Variants in CSMD1 observed in about 807,000 individuals in gnomAD.
CSMD1 encodes the protein CUB and sushi domain-containing protein 1.
A neutral mutation model predicts 417.5 loss-of-function variants in CSMD1; 213 were observed. That is an observed-to-expected ratio of 0.51 (90% confidence interval 0.46 to 0.57). The LOEUF (loss-of-function observed/expected upper bound fraction) is 0.57, where lower values mean the gene tolerates loss of function less well. CSMD1 is among the 20% of genes least tolerant of loss of function. CSMD1 has a pLI of 0.00. For synonymous variants in CSMD1, 2,862 were observed against 1,736.8 expected (o/e 1.65, Z -16.11); for missense variants, 6,923 against 4,529.7 (o/e 1.53, Z -15.17).
At chr8:4,656,164 G>C (rs1027876981) in intron 1 of CSMD1, among the ~76,000 whole-genome samples, 6 of 151,966 alleles carry the variant, frequency 3.9e-5, no homozygotes, top group African/African-American at 1.5e-4. Flanking sequence ...AAGGGAATGA[G>C]GGAAAACCCC....
intron 5 of CSMD1, among the ~76,000 whole-genome samples, chr8:3,897,659 T>A (rs912372256): frequency 2.0e-5 from 3 of 152,154 alleles, no homozygotes; most frequent in Non-Finnish European, 4.4e-5. Flanking sequence ...CCATAATCGT[T>A]AATAATAGAA....
intron 5 of CSMD1, among the ~76,000 whole-genome samples, chr8:3,934,948 A>G (rs1020361047): frequency 6.6e-6 from 1 of 152,160 alleles, no homozygotes; most frequent in Non-Finnish European, 1.5e-5. Context: ...TATAAAAGTA[A>G]TATTTACAAA....
rs80303186 is a variant in CSMD1, at chr8:3,633,664, C to A, written c.1010-16867G>T. On this transcript the variant is annotated intron_variant, in intron 7 of 69. Transcript: ENST00000635120. ...AATGACATATTTTTCAATCTTAAGA[C>A]ATGAAAATAGTGTATATAAATCTGA... Among the ~76,000 whole-genome samples, 203 of 152,274 alleles carry A rather than the reference C, an allele frequency of 1.3e-3. 3 individuals carry two copies. The East Asian group carries it at 0.036, about 27-fold the overall frequency.
chr8:4,319,937 T>C (rs900797160), intron 3 of CSMD1, among the ~76,000 whole-genome samples: 1 of 152,118 alleles, frequency 6.6e-6, no homozygotes, highest in African/African-American at 2.4e-5. Context: ...TCTTCAGAGC[T>C]TGCACAAGGC....
chr8:3,308,222 C>A, intron 24 of CSMD1, 90 bp downstream of exon 24: 2 of 1,005,278 alleles, frequency 2.0e-6, no homozygotes, highest in South Asian at 1.8e-5. Flanking sequence ...AAAATTCCTC[C>A]TCTTTTCCAA....
chr8:4,603,768 C>T (rs532092202), intron 2 of CSMD1, among the ~76,000 whole-genome samples: 90 of 151,930 alleles, frequency 5.9e-4, no homozygotes, highest in Non-Finnish European at 1.0e-3. Context: ...TTTGGTGTAC[C>T]GGAGAAGTTG....
At chr8:3,619,184 G>A (rs540467383) in intron 7 of CSMD1, among the ~76,000 whole-genome samples, 5 of 151,918 alleles carry the variant, frequency 3.3e-5, no homozygotes, top group African/African-American at 7.3e-5. Context: ...AAAGCAGCTG[G>A]GGAAAAAAAT....
At chr8:4,117,627 G>A (rs1585350235) in intron 3 of CSMD1, among the ~76,000 whole-genome samples, 1 of 152,172 alleles carries the variant, frequency 6.6e-6, no homozygotes, top group African/African-American at 2.4e-5. Flanking sequence ...GAAAAGGTGT[G>A]TTAAAACGCT....
At chr8:4,500,435 G>C (rs1196666348) in intron 2 of CSMD1, among the ~76,000 whole-genome samples, 1 of 152,140 alleles carries the variant, frequency 6.6e-6, no homozygotes, top group South Asian at 2.1e-4. Context: ...AACTTGCGTA[G>C]ATCGTGTAAA....
At chr8:4,003,544 C>G (rs1815870771) in intron 4 of CSMD1, among the ~76,000 whole-genome samples, 1 of 151,846 alleles carries the variant, frequency 6.6e-6, no homozygotes, top group African/African-American at 2.4e-5. Flanking sequence ...TAAAAACAAA[C>G]ACAGGTGAAG....
At chr8:3,106,387 G>C in intron 46 of CSMD1, 141 bp downstream of exon 46, 7 of 561,024 alleles carry the variant, frequency 1.2e-5, no homozygotes, top group Admixed American at 3.3e-5. Flanking sequence ...GACAGAGTAA[G>C]ACCCTATCTC....
intron 1 of CSMD1, among the ~76,000 whole-genome samples, chr8:4,678,728 CAT>C (rs1805847678): frequency 6.6e-6 from 1 of 152,268 alleles, no homozygotes; most frequent in African/African-American, 2.4e-5. Flanking sequence ...TTGTTAAACA[CAT>C]GTGCTAATTT....
intron 3 of CSMD1, among the ~76,000 whole-genome samples, chr8:4,107,434 T>G (rs1801625458): frequency 6.6e-6 from 1 of 152,202 alleles, no homozygotes; most frequent in South Asian, 2.1e-4. Flanking sequence ...CACATCACAT[T>G]GGTACGGATT....
intron 12 of CSMD1, among the ~76,000 whole-genome samples, chr8:3,457,122 G>T (rs1322088553): frequency 1.3e-5 from 2 of 150,494 alleles, no homozygotes; most frequent in East Asian, 3.9e-4. Flanking sequence ...CCTCACCCAG[G>T]CCTCTCCTCC....
chr8:4,387,312 C>T (rs1456494248), intron 3 of CSMD1, among the ~76,000 whole-genome samples: 1 of 151,788 alleles, frequency 6.6e-6, no homozygotes, highest in African/African-American at 2.4e-5. Flanking sequence ...GATAGTAATT[C>T]CTGAAACAAT....
chr8:3,921,855 C>T (rs540139385), intron 5 of CSMD1, among the ~76,000 whole-genome samples: 5 of 152,166 alleles, frequency 3.3e-5, no homozygotes, highest in African/African-American at 1.2e-4. Context: ...AATGTATATG[C>T]TGCTGCTGTG....
chr8:4,471,434 A>G (rs1800526064), intron 2 of CSMD1, among the ~76,000 whole-genome samples: 2 of 152,178 alleles, frequency 1.3e-5, no homozygotes, highest in African/African-American at 4.8e-5. Flanking sequence ...TGCAGCACGT[A>G]GCTGTCAGCA....
chr8:4,207,330 G>C (rs189370610), intron 3 of CSMD1, among the ~76,000 whole-genome samples: 1 of 152,184 alleles, frequency 6.6e-6, no homozygotes, highest in Admixed American at 6.5e-5. Context: ...GCTAGGACTC[G>C]TAATTATCTG....
intron 5 of CSMD1, among the ~76,000 whole-genome samples, chr8:3,793,481 A>C (rs6994844): frequency 0.57 from 84,011 of 147,422 alleles, 25,470 homozygotes; most frequent in Non-Finnish European, 0.68. Context: ...CCATCCAGCC[A>C]AGCCAGCCCT....
Sources: gnomAD v4.1 joint callset for allele counts (sites outside exome capture counted in the v4.1 genomes callset) on GRCh38, gnomAD v4.1.1 for gene constraint, MANE v1.5 for transcripts, NCBI Gene and HGNC (gene_info 2026-07-23, HGNC 2026-07-21) for gene names.